The following DCAF17 variants were observed in gnomAD, a reference collection of about 807,000 sequenced individuals.
DCAF17 encodes the protein DDB1- and CUL4-associated factor 17.
In DCAF17, 48 loss-of-function variants were observed where a neutral mutation model predicts 66.0. The ratio of observed to expected loss-of-function variants is 0.73; its 90% CI spans 0.58 to 0.92. The LOEUF is 0.92. Ranked by LOEUF, DCAF17 falls within the 40% of genes least tolerant of loss-of-function variation. The probability of loss-of-function intolerance (pLI) is 0.00; values close to 1 mark genes in which losing one functional copy is unlikely to be tolerated. For synonymous variants in DCAF17, 206 were observed against 214.6 expected (o/e 0.96, Z 0.35); for missense variants, 562 against 622.8 (o/e 0.90, Z 1.04).
At chr2:171,438,336 C>T (rs1349183641) in intron 2 of DCAF17, among the ~76,000 whole-genome samples, 2 of 150,538 alleles carry the variant, frequency 1.3e-5, no homozygotes, top group East Asian at 4.0e-4. Flanking sequence ...ATTCTGCTGT[C>T]GTTGGATGAG....
rs757047969 is a variant in DCAF17, at chr2:171,449,870, T to G, written c.459-9T>G. The G allele has an allele frequency of 6.2e-7, 1 of 1,610,964 alleles. No homozygotes were observed. Among genetic ancestry groups the G allele is most frequent in the Non-Finnish European group, 8.5e-7 (1 of 1,177,718 alleles). ...CAAATAAATAAACTTCTCTTCATTCTTTTAAAAGATACTTGAGCTGGGACA... is the reference window on the plus strand; with the variant it reads ...CAAATAAATAAACTTCTCTTCATTCGTTTAAAAGATACTTGAGCTGGGACA... On this transcript the variant is annotated splice_polypyrimidine_tract_variant and intron_variant, in intron 4 of 13. Transcript: ENST00000375255.
At chr2:171,452,030 T>C (rs1694984253) in intron 5 of DCAF17, among the ~76,000 whole-genome samples, 1 of 152,182 alleles carries the variant, frequency 6.6e-6, no homozygotes, top group South Asian at 2.1e-4. Flanking sequence ...ACTTTTCCTT[T>C]GGGTTTAAGG....
intron 8 of DCAF17, among the ~76,000 whole-genome samples, chr2:171,465,781 A>G (rs1695864846): frequency 1.3e-5 from 2 of 152,112 alleles, no homozygotes; most frequent in Non-Finnish European, 2.9e-5. Flanking sequence ...CACTGTGCCC[A>G]GCCCCATTTT....
chr2:171,456,984 CT>C (rs1695295394), intron 6 of DCAF17, among the ~76,000 whole-genome samples: 1 of 152,154 alleles, frequency 6.6e-6, no homozygotes, highest in African/African-American at 2.4e-5. Flanking sequence ...TTTCTCTTGC[CT>C]GATGGCTCTG....
Position 171,484,979 on chromosome 2 carries a change from G to C in DCAF17, c.*3865G>C, listed in dbSNP as rs766820600. On this transcript the variant is annotated 3_prime_UTR_variant, in exon 14 of 14. Transcript: ENST00000375255. ...TCACAGTTTGTTTTTTTATCTTTCTGTTGATGGACACTGGGCTCTTTCTGC... is the reference window on the plus strand; with the variant it reads ...TCACAGTTTGTTTTTTTATCTTTCTCTTGATGGACACTGGGCTCTTTCTGC... 2.2e-6 allele frequency: 1 copy of C among 453,862 alleles called. No individual in the cohort carries two copies. Among genetic ancestry groups the C allele is most frequent in the South Asian group, 1.6e-5 (1 of 64,460 alleles). 28.1% of individuals were successfully genotyped at this position (453,862 alleles called of 1,614,324 possible).
intron 6 of DCAF17, among the ~76,000 whole-genome samples, chr2:171,455,942 T>G (rs1416326949): frequency 6.6e-6 from 1 of 152,094 alleles, no homozygotes; most frequent in East Asian, 1.9e-4. Flanking sequence ...ATTGCAAAAA[T>G]GTTCTTCCAT....
intron 1 of DCAF17, 54 bp downstream of exon 1, chr2:171,434,757 A>G: frequency 7.2e-7 from 1 of 1,389,184 alleles, no homozygotes; most frequent in Non-Finnish European, 9.2e-7. Flanking sequence ...GCGGCGGCCG[A>G]GCCTCCTGCG....
At chr2:171,480,263 T>G in intron 13 of DCAF17, 70 bp downstream of exon 13, 1 of 1,565,270 alleles carries the variant, frequency 6.4e-7, no homozygotes, top group Non-Finnish European at 8.7e-7. Flanking sequence ...AGAACAGATG[T>G]TATTGTGTTC....
rs562777402 is a variant in DCAF17, at chr2:171,438,849, A to G, written c.230+3663A>G. 4.8e-5 allele frequency among the ~76,000 whole-genome samples: 7 copies of G among 145,256 alleles called. No individual in the cohort carries two copies. In the South Asian group the frequency reaches 9.0e-4, roughly 19 times the overall value. On this transcript the variant is annotated intron_variant, in intron 2 of 13. Transcript: ENST00000375255. Reference sequence around the variant, plus strand: ...ACTCCTGGACTGAAGCAATCCGACCATCTCAGCCTCCCAAGTAGCTAGGAC... The same window carrying G: ...ACTCCTGGACTGAAGCAATCCGACCGTCTCAGCCTCCCAAGTAGCTAGGAC...
At chr2:171,449,487 GT>G (rs1694824559) in intron 4 of DCAF17, among the ~76,000 whole-genome samples, 1 of 152,136 alleles carries the variant, frequency 6.6e-6, no homozygotes, top group Non-Finnish European at 1.5e-5. Context: ...TCCAAGAACT[GT>G]TATTTTAACT....
intron 6 of DCAF17, 61 bp from the exon 7 acceptor site, chr2:171,457,910 A>G (rs972061494): frequency 5.5e-6 from 7 of 1,282,552 alleles, no homozygotes; most frequent in Middle Eastern, 1.8e-4. Flanking sequence ...ACCACTGTGA[A>G]CATTCAGAGG....
At chr2:171,468,350 G>A (rs192017058) in intron 8 of DCAF17, among the ~76,000 whole-genome samples, 1 of 152,182 alleles carries the variant, frequency 6.6e-6, no homozygotes, top group East Asian at 1.9e-4. Flanking sequence ...TTCCTAAGTG[G>A]TTACATTCAT....
chr2:171,458,750 A>T (rs1226027829), intron 8 of DCAF17, among the ~76,000 whole-genome samples: 1 of 152,148 alleles, frequency 6.6e-6, no homozygotes, highest in Non-Finnish European at 1.5e-5. Context: ...TGATTTCCTT[A>T]TCTGCAAAAT....
chr2:171,475,431 A>G (rs1696451407), intron 10 of DCAF17, among the ~76,000 whole-genome samples: 1 of 152,126 alleles, frequency 6.6e-6, no homozygotes, highest in African/African-American at 2.4e-5. Flanking sequence ...AGCACTAAGC[A>G]TAGTCCTTTG....
In DCAF17 at chr2:171,434,235, G is replaced by A. The variant is rs193213973; in HGVS notation, c.-343G>A. On this transcript the variant is annotated 5_prime_UTR_variant, in exon 1 of 14. Transcript: ENST00000375255. ...GAATTGTAGTTCCTGGGAGAAGCCG[G>A]GCTGCCTCACGAGGCACTAGGAACT... The A allele has an allele frequency of 5.5e-5, 25 of 455,598 alleles. No homozygotes were observed. The East Asian group carries it at 1.4e-3, about 26-fold the overall frequency. 28.2% of individuals were successfully genotyped at this position (455,598 alleles called of 1,614,324 possible). A position where few individuals can be genotyped will look rare whatever the true frequency, so the allele number is the denominator to read the frequency against.
At chr2:171,449,532 A>G (rs1694827942) in intron 4 of DCAF17, among the ~76,000 whole-genome samples, 1 of 152,226 alleles carries the variant, frequency 6.6e-6, no homozygotes, top group Non-Finnish European at 1.5e-5. Context: ...AATGGAGTGA[A>G]TATGTTCATG....
chr2:171,444,101 G>A (rs947061489), intron 3 of DCAF17, among the ~76,000 whole-genome samples: 4 of 152,112 alleles, frequency 2.6e-5, no homozygotes, highest in East Asian at 1.9e-4. Flanking sequence ...GAATGTTAAC[G>A]GGTGTCAGAG....
At chr2:171,461,672 A>G (rs914899605) in intron 8 of DCAF17, among the ~76,000 whole-genome samples, 1 of 152,198 alleles carries the variant, frequency 6.6e-6, no homozygotes, top group African/African-American at 2.4e-5. Context: ...GGTATAATTT[A>G]CATGTAATTA....
chr2:171,474,394 C>T (rs994889654), intron 10 of DCAF17: 4 of 198,266 alleles, frequency 2.0e-5, no homozygotes, highest in Middle Eastern at 2.2e-3. Flanking sequence ...ACAAACTGAC[C>T]TCTCCTTCCC....
Sources: gnomAD v4.1 joint callset for allele counts (sites outside exome capture counted in the v4.1 genomes callset) on GRCh38, gnomAD v4.1.1 for gene constraint, MANE v1.5 for transcripts, NCBI Gene and HGNC (gene_info 2026-07-23, HGNC 2026-07-21) for gene names.